Variants in PRKN observed in about 807,000 individuals in gnomAD.
The protein encoded by PRKN is E3 ubiquitin-protein ligase parkin.
Under a neutral mutation model 59.5 loss-of-function variants are expected in PRKN, and 56 were observed. The observed-to-expected ratio is 0.94, with a 90% CI of 0.76 to 1.18. The LOEUF (loss-of-function observed/expected upper bound fraction) is 1.18, where lower values mean the gene tolerates loss of function less well. Ranked by LOEUF, PRKN falls within the 50% of genes most tolerant of loss-of-function variation. PRKN has a pLI of 0.00. For missense variants in PRKN, 657 were observed against 596.4 expected, an observed-to-expected ratio of 1.10 and a Z score of -1.06; for synonymous variants, 250 against 222.1, an observed-to-expected ratio of 1.13 and a Z score of -1.12.
chr6:161,636,172 T>C (rs892470261), intron 7 of PRKN, among the ~76,000 whole-genome samples: 1 of 152,260 alleles, frequency 6.6e-6, no homozygotes, highest in Non-Finnish European at 1.5e-5. Flanking sequence ...TGTGATGTGC[T>C]GGGCACATGA....
intron 2 of PRKN, among the ~76,000 whole-genome samples, chr6:162,368,271 G>A (rs1554306762): frequency 2.6e-5 from 4 of 152,056 alleles, no homozygotes; most frequent in Non-Finnish European, 5.9e-5. Flanking sequence ...TCAAAACCGG[G>A]CTTCTTATGA....
chr6:161,950,708 G>C (rs1247530269), intron 6 of PRKN, among the ~76,000 whole-genome samples: 1 of 152,072 alleles, frequency 6.6e-6, no homozygotes, highest in African/African-American at 2.4e-5. Context: ...AGATGAATGG[G>C]ACCTACAGAC....
chr6:161,620,867 C>T (rs1400118460), intron 7 of PRKN, among the ~76,000 whole-genome samples: 1 of 152,158 alleles, frequency 6.6e-6, no homozygotes, highest in Non-Finnish European at 1.5e-5. Flanking sequence ...CCATCTTTTT[C>T]TTTTATCAGC....
At chr6:161,829,871 G>T (rs760734654) in intron 6 of PRKN, among the ~76,000 whole-genome samples, 149 of 140,090 alleles carry the variant, frequency 1.1e-3, no homozygotes, top group Admixed American at 2.8e-3. Context: ...AAAAAAAAAT[G>T]CCAATACAAG....
intron 7 of PRKN, among the ~76,000 whole-genome samples, chr6:161,702,500 T>C (rs1786295002): frequency 1.3e-5 from 2 of 151,496 alleles, no homozygotes; most frequent in African/African-American, 4.9e-5. Context: ...GTCAAATGCA[T>C]AGAGGAAGAA....
rs1357710884 is a variant in PRKN at position 161,356,652 on chromosome 6, G to A, written c.1285+3436C>T. Among the ~76,000 whole-genome samples the A allele has an allele frequency of 6.6e-6, 1 of 152,138 alleles. No individual in the cohort carries two copies. Among genetic ancestry groups the A allele is most frequent in the African/African-American group, 2.4e-5 (1 of 41,422 alleles). ...GACCGGGGATTGAATGCAGGGTGAG[G>A]AAGAGCATGGAATGAAGGATGAGCT... On this transcript the variant is annotated intron_variant, in intron 11 of 11. Transcript: ENST00000366898. This position sits in a 1 kb window ranked among gnomAD's most constrained non-coding sequence, Gnocchi z 7.8.
chr6:162,563,317 C>A (rs200614216), intron 1 of PRKN, among the ~76,000 whole-genome samples: 22 of 145,702 alleles, frequency 1.5e-4, no homozygotes, highest in Admixed American at 2.7e-4. Flanking sequence ...AAACAAAAAA[C>A]AAAAAAAAAA....
At chr6:161,841,034 G>A (rs548447183) in intron 6 of PRKN, among the ~76,000 whole-genome samples, 1 of 152,320 alleles carries the variant, frequency 6.6e-6, no homozygotes, top group South Asian at 2.1e-4. Flanking sequence ...CCTAAAGGCA[G>A]AAATACCATT....
At chr6:162,283,619 T>G (rs1781028011) in intron 2 of PRKN, among the ~76,000 whole-genome samples, 1 of 152,144 alleles carries the variant, frequency 6.6e-6, no homozygotes, top group South Asian at 2.1e-4. Context: ...CCTCCCAGAT[T>G]AAAGCAGTTC....
At chr6:162,599,107 G>A (rs1781600755) in intron 1 of PRKN, among the ~76,000 whole-genome samples, 1 of 152,054 alleles carries the variant, frequency 6.6e-6, no homozygotes, top group African/African-American at 2.4e-5. Context: ...CTGGACATAT[G>A]ATCAATTAAA....
At chr6:162,501,418 G>A (rs921010273) in intron 1 of PRKN, among the ~76,000 whole-genome samples, 1 of 150,734 alleles carries the variant, frequency 6.6e-6, no homozygotes, top group Non-Finnish European at 1.5e-5. Flanking sequence ...TGTAATCTCG[G>A]CTCACTGCAG....
intron 1 of PRKN, among the ~76,000 whole-genome samples, chr6:162,598,845 T>A (rs1781587722): frequency 8.0e-6 from 1 of 124,258 alleles, no homozygotes; most frequent in Non-Finnish European, 1.6e-5. Context: ...AGAGTGAGAT[T>A]CTGTCACCAA....
rs150333729 is a variant in PRKN at position 162,103,487 on chromosome 6, T to C, written c.535-49313A>G. On this transcript the variant is annotated intron_variant, in intron 4 of 11. Coordinates refer to ENST00000366898, the MANE Select transcript of PRKN (RefSeq NM_004562.3). ...ACTTAATAATAGTCCATAACTTTACTATTAAAGCAAACAGAAAAGAACAAC... is the reference window on the plus strand; with the variant it reads ...ACTTAATAATAGTCCATAACTTTACCATTAAAGCAAACAGAAAAGAACAAC... Among the ~76,000 whole-genome samples, 199 of 152,276 alleles carry C rather than the reference T, an allele frequency of 1.3e-3. 4 individuals are homozygous for C. The highest frequency in any genetic ancestry group is 4.4e-3 in the African/African-American group (181 of 41,568).
intron 1 of PRKN, among the ~76,000 whole-genome samples, chr6:162,527,097 A>G (rs1778318192): frequency 6.6e-6 from 1 of 152,226 alleles, no homozygotes; most frequent in Non-Finnish European, 1.5e-5. Context: ...GCATATACTA[A>G]GGCTTGTTCT....
At chr6:161,734,947 T>G (rs1787902361) in intron 7 of PRKN, among the ~76,000 whole-genome samples, 1 of 150,454 alleles carries the variant, frequency 6.6e-6, no homozygotes, top group African/African-American at 2.5e-5. Flanking sequence ...AACACATGCT[T>G]ACAAACACAA....
intron 6 of PRKN, among the ~76,000 whole-genome samples, chr6:161,799,047 G>A (rs1583178783): frequency 6.6e-6 from 1 of 152,202 alleles, no homozygotes; most frequent in Non-Finnish European, 1.5e-5. Context: ...TGCCAATAAA[G>A]TTTTATTGGA....
chr6:162,227,062 G>A (rs1375479045), intron 3 of PRKN, among the ~76,000 whole-genome samples: 1 of 152,202 alleles, frequency 6.6e-6, no homozygotes, highest in African/African-American at 2.4e-5. Flanking sequence ...TACAGCAGGA[G>A]GAGCACAATG....
At chr6:161,727,021 C>A (rs948221647) in intron 7 of PRKN, among the ~76,000 whole-genome samples, 7 of 152,154 alleles carry the variant, frequency 4.6e-5, no homozygotes, top group Admixed American at 1.3e-4. Flanking sequence ...CCCTCTTCCC[C>A]TGCCTGTAGT....
chr6:161,683,848 A>C (rs1361248689), intron 7 of PRKN, among the ~76,000 whole-genome samples: 1 of 152,166 alleles, frequency 6.6e-6, no homozygotes, highest in Non-Finnish European at 1.5e-5. Flanking sequence ...CCACAGCAAA[A>C]ACACCAGCGA....
Sources: allele counts gnomAD v4.1 joint callset (sites outside exome capture counted in the v4.1 genomes callset), GRCh38; gene constraint gnomAD v4.1.1; non-coding constraint Gnocchi (gnomAD v3.1); transcripts MANE v1.5; gene names NCBI Gene and HGNC (gene_info 2026-07-23, HGNC 2026-07-21).